FMNL2: variants seen among roughly 807,000 people sequenced by gnomAD.
FMNL2 encodes formin like 2.
Under a neutral mutation model 130.2 loss-of-function variants are expected in FMNL2, and 51 were observed. The ratio of observed to expected loss-of-function variants is 0.39; its 90% CI spans 0.31 to 0.49. The LOEUF (loss-of-function observed/expected upper bound fraction) is 0.49, where lower values mean the gene tolerates loss of function less well. Among genes scored for constraint, FMNL2 ranks in the 20% least tolerant of loss-of-function variants. The pLI is 0.85. For synonymous variants in FMNL2, 465 were observed against 467.1 expected (o/e 1.00, Z 0.06); for missense variants, 977 against 1,316.2 (o/e 0.74, Z 3.99).
intron 1 of FMNL2, among the ~76,000 whole-genome samples, chr2:152,403,601 C>T (rs1015388732): frequency 1.1e-4 from 17 of 151,738 alleles, no homozygotes; most frequent in African/African-American, 4.1e-4. Context: ...TACAGAATTC[C>T]TCTTTGACTT....
chr2:152,418,263 C>A (rs1686720547), intron 1 of FMNL2, among the ~76,000 whole-genome samples: 1 of 151,704 alleles, frequency 6.6e-6, no homozygotes, highest in Admixed American at 6.6e-5. Context: ...ATTTTTTGGC[C>A]ACGTTTTTAA....
chr2:152,627,040 G>A (rs953328411), intron 17 of FMNL2, among the ~76,000 whole-genome samples: 8 of 152,166 alleles, frequency 5.3e-5, no homozygotes, highest in Non-Finnish European at 7.3e-5. Flanking sequence ...TCTCTTATGC[G>A]GGCCTCCAGC....
chr2:152,358,616 G>A (rs1018855196), intron 1 of FMNL2, among the ~76,000 whole-genome samples: 6 of 150,076 alleles, frequency 4.0e-5, no homozygotes, highest in Non-Finnish European at 8.9e-5. Flanking sequence ...GTGCCTGGGT[G>A]ACAGAGCAAG....
chr2:152,649,393 A>G lies in FMNL2; in HGVS notation c.*1488A>G, dbSNP rs1034619653. 12 of 152,428 alleles carry G rather than the reference A, an allele frequency of 7.9e-5. No individual in the cohort carries two copies. Among genetic ancestry groups the G allele is most frequent in the African/African-American group, 1.4e-4 (6 of 41,424 alleles). The allele number at this position is 152,428 out of a possible 1,614,324, so 9.4% of individuals were successfully genotyped here. A position where few individuals can be genotyped will look rare whatever the true frequency, so the allele number is the denominator to read the frequency against. ...TAACTTATAGTTTTTTTTAATATAT[A>G]TATTTAACTATAAGGACAGTTTAGG... On this transcript the variant is annotated 3_prime_UTR_variant, in exon 26 of 26. Coordinates refer to ENST00000288670, the MANE Select transcript of FMNL2 (RefSeq NM_052905.4).
intron 1 of FMNL2, among the ~76,000 whole-genome samples, chr2:152,491,399 C>T (rs1367816563): frequency 1.3e-5 from 2 of 152,080 alleles, no homozygotes; most frequent in African/African-American, 2.4e-5. Context: ...GAATGGCTGC[C>T]GGCCTGCCAG....
intron 1 of FMNL2, among the ~76,000 whole-genome samples, chr2:152,474,842 C>G (rs571631567): frequency 8.6e-4 from 131 of 152,164 alleles, no homozygotes; most frequent in Admixed American, 3.1e-3. Context: ...TATCTGATGT[C>G]TGGGAAGCAG....
intron 1 of FMNL2, among the ~76,000 whole-genome samples, chr2:152,375,850 G>GCTCTCTCTCT (rs71394477): frequency 1.6e-3 from 165 of 100,540 alleles, no homozygotes; most frequent in Middle Eastern, 5.0e-3. Flanking sequence ...AGCCATTGAA[G>GCTCTCTCTCT]CTCTCTCTCT....
intron 1 of FMNL2, among the ~76,000 whole-genome samples, chr2:152,459,136 G>A (rs1420514152): frequency 6.6e-6 from 1 of 152,130 alleles, no homozygotes; most frequent in Non-Finnish European, 1.5e-5. Flanking sequence ...ATTATCAAAA[G>A]CAGAAATTTT....
At chr2:152,520,238 T>C (rs532049161) in intron 1 of FMNL2, among the ~76,000 whole-genome samples, 1 of 152,302 alleles carries the variant, frequency 6.6e-6, no homozygotes, top group Non-Finnish European at 1.5e-5. Flanking sequence ...CATTGAAAAC[T>C]CTTTATAAAG....
intron 21 of FMNL2, among the ~76,000 whole-genome samples, chr2:152,635,064 G>A (rs572029391): frequency 3.3e-5 from 5 of 152,186 alleles, no homozygotes; most frequent in East Asian, 1.9e-4. Context: ...GAAATGGTTC[G>A]TTGTGTAGAA....
intron 6 of FMNL2, among the ~76,000 whole-genome samples, chr2:152,566,685 TGAC>T (rs1208320853): frequency 6.6e-6 from 1 of 152,224 alleles, no homozygotes; most frequent in East Asian, 1.9e-4. Context: ...GATTTGTGGC[TGAC>T]AAGGGACTTA....
At chr2:152,647,156 T>A (rs918164389) in intron 25 of FMNL2, among the ~76,000 whole-genome samples, 1 of 152,176 alleles carries the variant, frequency 6.6e-6, no homozygotes, top group Non-Finnish European at 1.5e-5. Context: ...AAGTCTGGCC[T>A]GGACAACATA....
intron 1 of FMNL2, among the ~76,000 whole-genome samples, chr2:152,465,927 G>A (rs551478893): frequency 1.3e-5 from 2 of 152,298 alleles, no homozygotes; most frequent in African/African-American, 4.8e-5. Flanking sequence ...TTATGACCAG[G>A]ACCAGAAAGT....
chr2:152,447,175 A>C (rs567105138), intron 1 of FMNL2, among the ~76,000 whole-genome samples: 1 of 151,838 alleles, frequency 6.6e-6, no homozygotes, highest in African/African-American at 2.4e-5. Context: ...ATAATAGCTC[A>C]CTGCAGCCTT....
intron 1 of FMNL2, among the ~76,000 whole-genome samples, chr2:152,431,157 A>G (rs1389612793): frequency 6.6e-6 from 1 of 152,194 alleles, no homozygotes; most frequent in African/African-American, 2.4e-5. Flanking sequence ...CACACAAAGG[A>G]AAAAAGAGAC....
intron 1 of FMNL2, among the ~76,000 whole-genome samples, chr2:152,456,726 G>A (rs1447176783): frequency 2.6e-5 from 4 of 152,120 alleles, no homozygotes; most frequent in East Asian, 1.9e-4. Context: ...GGCGAATCAC[G>A]AGGTCAGGAG....
intron 1 of FMNL2, among the ~76,000 whole-genome samples, chr2:152,397,160 G>C (rs1321458549): frequency 6.6e-6 from 1 of 152,198 alleles, no homozygotes; most frequent in East Asian, 1.9e-4. Flanking sequence ...ACCAAATCCT[G>C]CTTTGCTTGG....
intron 1 of FMNL2, among the ~76,000 whole-genome samples, chr2:152,343,839 C>T (rs1333483676): frequency 2.3e-5 from 1 of 44,086 alleles, no homozygotes; most frequent in Non-Finnish European, 7.6e-5. Context: ...TGTGCATTGA[C>T]ATCACTTGGC....
chr2:152,619,771 C>A, intron 15 of FMNL2, 53 bp downstream of exon 15: 1 of 1,567,770 alleles, frequency 6.4e-7, no homozygotes, highest in Non-Finnish European at 8.6e-7. Context: ...GCTGTCTTAT[C>A]TCGGAGAGTT....
Sources: gnomAD v4.1 joint callset for allele counts (sites outside exome capture counted in the v4.1 genomes callset) on GRCh38, gnomAD v4.1.1 for gene constraint, MANE v1.5 for transcripts, NCBI Gene and HGNC (gene_info 2026-07-23, HGNC 2026-07-21) for gene names.